The following PAM variants were observed in gnomAD, a reference collection of about 807,000 sequenced individuals.
PAM encodes the protein peptidylglycine alpha-amidating monooxygenase.
PAM carries 72 observed loss-of-function variants against 122.1 expected under a neutral mutation model. The ratio of observed to expected loss-of-function variants is 0.59; its 90% CI spans 0.49 to 0.72. The LOEUF is 0.72. PAM is among the 30% of genes least tolerant of loss of function. PAM has a pLI of 0.00. For missense variants in PAM, 1,106 were observed against 1,183.7 expected (o/e 0.93, Z 0.96); for synonymous variants, 389 against 404.4 (o/e 0.96, Z 0.46).
chr5:102,810,767 G>A (rs1466112039), intron 1 of PAM, among the ~76,000 whole-genome samples: 1 of 152,150 alleles, frequency 6.6e-6, no homozygotes, highest in East Asian at 1.9e-4. Flanking sequence ...GGCGGAGGTT[G>A]TGGTGAGCCG....
intron 1 of PAM, among the ~76,000 whole-genome samples, chr5:102,780,187 A>G (rs936247040): frequency 9.9e-5 from 15 of 151,900 alleles, no homozygotes; most frequent in South Asian, 4.1e-4. Flanking sequence ...TGGGTTATCA[A>G]ATTTTAAAAG....
chr5:102,805,305 T>A (rs775016356), intron 1 of PAM, among the ~76,000 whole-genome samples: 1 of 152,060 alleles, frequency 6.6e-6, no homozygotes, highest in Non-Finnish European at 1.5e-5. Flanking sequence ...CCTGACCTCA[T>A]GATCTGCTCG....
intron 3 of PAM, among the ~76,000 whole-genome samples, chr5:102,900,261 G>C (rs1034997511): frequency 8.4e-6 from 1 of 119,628 alleles, no homozygotes; most frequent in Non-Finnish European, 1.7e-5. Flanking sequence ...GTGTGGGGGG[G>C]GGGCGGGGGG....
intron 23 of PAM, among the ~76,000 whole-genome samples, chr5:103,022,265 T>C (rs187043419): frequency 4.6e-5 from 7 of 152,102 alleles, no homozygotes; most frequent in African/African-American, 1.7e-4. Context: ...ATTGGTGATA[T>C]ATGCACTTTT....
At chr5:102,943,941 G>T (rs1176629129) in intron 7 of PAM, among the ~76,000 whole-genome samples, 1 of 152,052 alleles carries the variant, frequency 6.6e-6, no homozygotes, top group African/African-American at 2.4e-5. Context: ...TCCAGTATCT[G>T]GAAATACTCA....
intron 1 of PAM, among the ~76,000 whole-genome samples, chr5:102,814,953 A>T (rs941221142): frequency 6.6e-6 from 1 of 151,894 alleles, no homozygotes; most frequent in African/African-American, 2.4e-5. Flanking sequence ...ACACATGCAC[A>T]CACACGCACC....
chr5:102,924,247 C>T (rs995760742), intron 5 of PAM, among the ~76,000 whole-genome samples: 19 of 151,882 alleles, frequency 1.3e-4, no homozygotes, highest in Non-Finnish European at 2.6e-4. Flanking sequence ...GCCTGGCCAA[C>T]ATGGTGAAAT....
intron 7 of PAM, among the ~76,000 whole-genome samples, chr5:102,939,223 T>C (rs1161917353): frequency 6.6e-6 from 1 of 152,154 alleles, no homozygotes; most frequent in East Asian, 1.9e-4. Flanking sequence ...ATAGAAACAT[T>C]ATTCTTTTCA....
intron 3 of PAM, among the ~76,000 whole-genome samples, 176 bp downstream of exon 3, chr5:102,867,569 A>G (rs1051964660): frequency 6.6e-6 from 1 of 152,260 alleles, no homozygotes; most frequent in African/African-American, 2.4e-5. Flanking sequence ...TTTCAAGGTG[A>G]ATCTTTCACT....
chr5:102,900,292 C>A (rs1797428892), intron 3 of PAM, among the ~76,000 whole-genome samples: 1 of 147,790 alleles, frequency 6.8e-6, no homozygotes, highest in African/African-American at 2.6e-5. Flanking sequence ...ACAAAATCAG[C>A]ACAAATCCTT....
At chr5:102,809,532 G>T (rs930731968) in intron 1 of PAM, among the ~76,000 whole-genome samples, 2 of 152,220 alleles carry the variant, frequency 1.3e-5, no homozygotes, top group Admixed American at 6.5e-5. Context: ...TTTATTCTGT[G>T]TGGAAGGTAG....
chr5:102,890,827 A>G (rs1794583783), intron 3 of PAM, among the ~76,000 whole-genome samples: 1 of 151,936 alleles, frequency 6.6e-6, no homozygotes, highest in Admixed American at 6.6e-5. Flanking sequence ...AAATTAACTT[A>G]TGACAGGTAA....
chr5:102,866,556 T>C, intron 2 of PAM: 1 of 453,464 alleles, frequency 2.2e-6, no homozygotes, highest in Non-Finnish European at 4.0e-6. Flanking sequence ...AACTACAATA[T>C]ATTCGCTTAG....
intron 4 of PAM, among the ~76,000 whole-genome samples, chr5:102,908,954 T>C (rs749146666): frequency 1.1e-4 from 17 of 151,784 alleles, no homozygotes; most frequent in Non-Finnish European, 2.4e-4. Context: ...ATTATGAACA[T>C]TAAGGTTGAT....
chr5:102,879,483 A>G (rs1296760902), intron 3 of PAM, among the ~76,000 whole-genome samples: 1 of 152,150 alleles, frequency 6.6e-6, no homozygotes, highest in Non-Finnish European at 1.5e-5. Flanking sequence ...ATATGGGGTC[A>G]TGGGGGCAGA....
chr5:102,943,474 A>G (rs1755965482), intron 7 of PAM, among the ~76,000 whole-genome samples: 1 of 152,044 alleles, frequency 6.6e-6, no homozygotes, highest in Admixed American at 6.6e-5. Flanking sequence ...TTACTTACCC[A>G]TTTTTGCTTA....
At position 103,007,608 on chromosome 5, in the gene PAM, T is replaced by A. The variant is rs1388428706; in HGVS notation, c.2166T>A (p.Ile722=). 6.2e-7 allele frequency: 1 copy of A among 1,613,296 alleles called. No individual in the cohort carries two copies. The highest frequency in any genetic ancestry group is 1.1e-5 in the South Asian group (1 of 91,074). The change falls in exon 20 of 26, where the codon ATT becomes ATA. Residue 722 remains isoleucine, a synonymous_variant. Coordinates refer to ENST00000438793, the MANE Select transcript of PAM (RefSeq NM_001177306.2). ...KTDTKEFVRE[I]KHSSFGRNVF... ...ACACCAAAGAATTTGTGAGAGAGAT[T>A]AAGCATTCATCATTTGGAAGAAATG...
At chr5:102,923,316 G>A (rs1010760344) in intron 5 of PAM, among the ~76,000 whole-genome samples, 7 of 152,138 alleles carry the variant, frequency 4.6e-5, no homozygotes, top group African/African-American at 1.2e-4. Flanking sequence ...GGTGTTTTCT[G>A]TGTTTCTGGC....
At chr5:102,959,383 T>A (rs544684449) in intron 12 of PAM, among the ~76,000 whole-genome samples, 1 of 152,124 alleles carries the variant, frequency 6.6e-6, no homozygotes, top group Non-Finnish European at 1.5e-5. Flanking sequence ...AAAAACAAGG[T>A]CCAGGACTTT....
Sources: gnomAD v4.1 joint callset for allele counts (sites outside exome capture counted in the v4.1 genomes callset) on GRCh38, gnomAD v4.1.1 for gene constraint, MANE v1.5 for transcripts, NCBI Gene and HGNC (gene_info 2026-07-23, HGNC 2026-07-21) for gene names.